The following ZNF549 variants were observed in gnomAD, a reference collection of about 807,000 sequenced individuals.
The protein encoded by ZNF549 is zinc finger protein 549.
ZNF549 carries 11 observed loss-of-function variants against 11.1 expected under a neutral mutation model. That is an observed-to-expected ratio of 0.99 (90% CI 0.62 to 1.64). The LOEUF is 1.64. Among genes scored for constraint, ZNF549 ranks in the 40% most tolerant of loss-of-function variants. ZNF549 has a pLI of 0.00. For missense variants in ZNF549, 748 were observed against 765.1 expected, an observed-to-expected ratio of 0.98 and a Z score of 0.26; for synonymous variants, 266 against 269.1, an observed-to-expected ratio of 0.99 and a Z score of 0.11.
intron 3 of ZNF549, among the ~76,000 whole-genome samples, chr19:57,536,780 G>A (rs2089926351): frequency 6.6e-6 from 1 of 152,142 alleles, no homozygotes; most frequent in Non-Finnish European, 1.5e-5. Flanking sequence ...CCTGACTCCA[G>A]CTCCCTTGTC....
chr19:57,539,350 T>G lies in ZNF549; in HGVS notation c.*423T>G, dbSNP rs972937311. ...TGGAGGTTTACCTTCTTCATAGGTTTTTTTTTTTTTTATGTGATTGCCATA... is the reference window on the plus strand; with the variant it reads ...TGGAGGTTTACCTTCTTCATAGGTTGTTTTTTTTTTTATGTGATTGCCATA... On this transcript the variant is annotated 3_prime_UTR_variant, in exon 4 of 4. Coordinates refer to ENST00000376233, the MANE Select transcript of ZNF549 (RefSeq NM_001199295.2). 2.4e-4 allele frequency: 38 copies of G among 158,386 alleles called. No homozygotes were observed. Among genetic ancestry groups the G allele is most frequent in the Non-Finnish European group, 4.9e-4 (35 of 71,588 alleles). 9.8% of individuals were successfully genotyped at this position (158,386 alleles called of 1,614,324 possible). A position where few individuals can be genotyped will look rare whatever the true frequency, so the allele number is the denominator to read the frequency against.
chr19:57,535,429 G>T (rs544308943), intron 3 of ZNF549, 159 bp downstream of exon 3: 5 of 1,068,328 alleles, frequency 4.7e-6, no homozygotes, highest in African/African-American at 1.6e-5. Context: ...CCAGGCCTGG[G>T]TTTTTTCTGC....
At chr19:57,534,313 G>A (rs1361049260) in intron 2 of ZNF549, among the ~76,000 whole-genome samples, 5 of 152,210 alleles carry the variant, frequency 3.3e-5, no homozygotes, top group Non-Finnish European at 7.3e-5. Flanking sequence ...TCATTCAGAG[G>A]CAAAGCAGTA....
chr19:57,539,074 C>A lies in ZNF549; in HGVS notation c.*147C>A. On this transcript the variant is annotated 3_prime_UTR_variant, in exon 4 of 4. Transcript: ENST00000376233. ...CTACAAGGTCCAAGTACTTGGGAAG[C>A]TTTCTAGAGATTACTTGTACTTTCT... The A allele has an allele frequency of 1.1e-6, 1 of 891,406 alleles. No homozygotes were observed. The allele number at this position is 891,406 out of a possible 1,614,324, so 55.2% of individuals were successfully genotyped here.
In ZNF549 at chr19:57,537,827, T is replaced by TA; in HGVS notation, c.824dup (p.Tyr275Ter). ...HQRTHNAEKP[Y>*]VCNICGKSFL... Reference sequence around the variant, plus strand: ...GAGAACCCATAATGCAGAAAAGCCTTATGTGTGCAATATATGTGGGAAATC... The same window carrying TA: ...GAGAACCCATAATGCAGAAAAGCCTTAATGTGTGCAATATATGTGGGAAATC... The change falls in exon 4 of 4, where the codon TAT (tyrosine) becomes TAAT (stop). Residue 275 changes from tyrosine to a stop codon, truncating the protein, a stop_gained and frameshift_variant. Coordinates refer to ENST00000376233, the MANE Select transcript of ZNF549 (RefSeq NM_001199295.2). LOFTEE classifies it low-confidence loss of function (END_TRUNC). 6.2e-7 allele frequency: 1 copy of TA among 1,614,226 alleles called. No individual in the cohort carries two copies. Among genetic ancestry groups the TA allele is most frequent in the Non-Finnish European group, 8.5e-7 (1 of 1,180,036 alleles).
At chr19:57,534,541 A>G (rs189179083) in intron 2 of ZNF549, among the ~76,000 whole-genome samples, 1 of 152,186 alleles carries the variant, frequency 6.6e-6, no homozygotes, top group Non-Finnish European at 1.5e-5. Flanking sequence ...GAGGAAAGAT[A>G]TGACTGGTGT....
intron 1 of ZNF549, among the ~76,000 whole-genome samples, chr19:57,529,011 A>G (rs2089891889): frequency 6.6e-6 from 1 of 152,178 alleles, no homozygotes; most frequent in Non-Finnish European, 1.5e-5. Context: ...GTGGTCCCAT[A>G]AGATTATGAT....
chr19:57,528,333 G>T (rs2089888522), intron 1 of ZNF549, among the ~76,000 whole-genome samples: 1 of 152,336 alleles, frequency 6.6e-6, no homozygotes, highest in East Asian at 1.9e-4. Context: ...TTTGGACGTG[G>T]TGTTTCTAAA....
At position 57,537,226 on chromosome 19, in the gene ZNF549, T is replaced by C; in HGVS notation, c.222T>C (p.Ala74=). The C allele has an allele frequency of 6.2e-7, 1 of 1,613,772 alleles. No homozygotes were observed. The highest frequency in any genetic ancestry group is 8.5e-7 in the Non-Finnish European group (1 of 1,179,752). Residue 74 remains alanine, a synonymous_variant, in exon 4 of 4, where the codon GCT becomes GCC. Coordinates refer to ENST00000376233, the MANE Select transcript of ZNF549 (RefSeq NM_001199295.2). ...ASVGCLHGIE[A]EEAPSEQTLS... is the part of the protein sequence containing the mutation. ...TAGGTTGTTTGCATGGAATAGAGGC[T>C]GAGGAGGCCCCTTCTGAGCAGACTC... is the stretch of plus-strand genomic sequence containing the variant.
Position 57,537,744 on chromosome 19 carries a change from A to C in ZNF549, c.740A>C (p.Tyr247Ser). 6.2e-7 allele frequency: 1 copy of C among 1,614,218 alleles called. No homozygotes were observed. Among genetic ancestry groups the C allele is most frequent in the Non-Finnish European group, 8.5e-7 (1 of 1,180,034 alleles). The change falls in exon 4 of 4, where the codon TAT becomes TCT. Residue 247 changes from tyrosine (Y) to serine (S), a missense_variant. Coordinates refer to ENST00000376233, the MANE Select transcript of ZNF549 (RefSeq NM_001199295.2). Reference sequence around the variant, plus strand: ...AGAGTCCACACTGGAGAAAAAGCTTATAAGCGTAGGGAATATGGGAAATCC... The same window carrying C: ...AGAGTCCACACTGGAGAAAAAGCTTCTAAGCGTAGGGAATATGGGAAATCC... Reference protein sequence around the residue: ...HQRVHTGEKAYKRREYGKSLN... With the variant: ...HQRVHTGEKASKRREYGKSLN...
Position 57,538,008 on chromosome 19 carries a change from A to G in ZNF549, c.1004A>G (p.Asn335Ser), listed in dbSNP as rs766987686. Residue 335 changes from asparagine to serine, a missense_variant, in exon 4 of 4, where the codon AAT becomes AGT. Physicochemically the swap from Asn to Ser is conservative, Grantham distance 46. Transcript: ENST00000376233. ...THNGEKPYVC[N>S]VCGKSFRHKQ... ...AATGGAGAAAAGCCTTATGTGTGCAATGTATGTGGGAAATCATTCCGCCAC... is the reference window on the plus strand; with the variant it reads ...AATGGAGAAAAGCCTTATGTGTGCAGTGTATGTGGGAAATCATTCCGCCAC... 4 of 1,613,646 alleles carry G rather than the reference A, an allele frequency of 2.5e-6. No homozygotes were observed. Among genetic ancestry groups the G allele is most frequent in the East Asian group, 2.2e-5 (1 of 44,844 alleles).
At chr19:57,529,014 A>G (rs1481398134) in intron 1 of ZNF549, among the ~76,000 whole-genome samples, 3 of 152,180 alleles carry the variant, frequency 2.0e-5, no homozygotes, top group Non-Finnish European at 4.4e-5. Flanking sequence ...GTCCCATAAG[A>G]TTATGATACC....
chr19:57,528,082 G>T (rs1416543787), intron 1 of ZNF549, among the ~76,000 whole-genome samples: 1 of 152,184 alleles, frequency 6.6e-6, no homozygotes, highest in Non-Finnish European at 1.5e-5. Context: ...TGCTGTAGTA[G>T]GCTCCAGGAG....
Position 57,537,763 on chromosome 19 carries a change from G to A in ZNF549, c.759G>A (p.Gly253=), listed in dbSNP as rs763629072. 1 of 1,614,178 alleles carries A rather than the reference G, an allele frequency of 6.2e-7. No homozygotes were observed. The highest frequency in any genetic ancestry group is 8.5e-7 in the Non-Finnish European group (1 of 1,180,026). The change falls in exon 4 of 4, where the codon GGG becomes GGA. Residue 253 remains glycine (G), a synonymous_variant. Coordinates refer to ENST00000376233, the MANE Select transcript of ZNF549 (RefSeq NM_001199295.2). ...GEKAYKRREY[G]KSLNSKYLFV... The stretch of plus-strand genomic sequence containing the variant: ...AAGCTTATAAGCGTAGGGAATATGG[G>A]AAATCCTTGAACTCTAAATACTTAT...
Position 57,539,166 on chromosome 19 carries a change from CAT to C in ZNF549, c.*240_*241del. 2.1e-6 allele frequency: 1 copy of C among 483,352 alleles called. No homozygotes were observed. The highest frequency in any genetic ancestry group is 3.0e-5 in the South Asian group (1 of 33,384). 29.9% of individuals were successfully genotyped at this position (483,352 alleles called of 1,614,324 possible). The stretch of plus-strand genomic sequence containing the variant: ...CCTCACCGTTTTCATCAGTCACTCA[CAT>C]GTGCTCAAGGAATGCAGACCACTGT... On this transcript the variant is annotated 3_prime_UTR_variant, in exon 4 of 4. Coordinates refer to ENST00000376233, the MANE Select transcript of ZNF549 (RefSeq NM_001199295.2).
chr19:57,537,221 G>A lies in ZNF549; in HGVS notation c.217G>A (p.Glu73Lys). 4 of 1,613,328 alleles carry A rather than the reference G, an allele frequency of 2.5e-6. No homozygotes were observed. The highest frequency in any genetic ancestry group is 3.4e-6 in the Non-Finnish European group (4 of 1,179,514). The change falls in exon 4 of 4, where the codon GAG becomes AAG. Residue 73 changes from glutamate (E) to lysine (K), a missense_variant. Transcript: ENST00000376233. ...GCTTTTAGGTTGTTTGCATGGAATA[G>A]AGGCTGAGGAGGCCCCTTCTGAGCA... ...MASVGCLHGI[E>K]AEEAPSEQTL... is the part of the protein sequence containing the mutation.
chr19:57,527,377 G>A lies in ZNF549; in HGVS notation c.-197G>A. 1.4e-6 allele frequency: 1 copy of A among 722,256 alleles called. No individual in the cohort carries two copies. Among genetic ancestry groups the A allele is most frequent in the East Asian group, 2.7e-5 (1 of 36,702 alleles). The allele number at this position is 722,256 out of a possible 1,614,324, so 44.7% of individuals were successfully genotyped here. The stretch of plus-strand genomic sequence containing the variant: ...GGTCGTTTTTGCTGCCTGCGAGCGC[G>A]TCCGCGGGCTGGGCGTTTCCGGCTC... On this transcript the variant is annotated 5_prime_UTR_variant, in exon 1 of 4. Transcript: ENST00000376233.
In ZNF549 at chr19:57,538,969, C is replaced by A; in HGVS notation, c.*42C>A. On this transcript the variant is annotated 3_prime_UTR_variant, in exon 4 of 4. Transcript: ENST00000376233. Reference sequence around the variant, plus strand: ...TAATTGTCTTATTCACTGTAGGACACCAGAGAGCTGATTTTTCAAGGGATC... The same window carrying A: ...TAATTGTCTTATTCACTGTAGGACAACAGAGAGCTGATTTTTCAAGGGATC... The A allele has an allele frequency of 6.5e-7, 1 of 1,537,230 alleles. No homozygotes were observed. The highest frequency in any genetic ancestry group is 8.7e-7 in the Non-Finnish European group (1 of 1,149,234).
chr19:57,536,276 C>T (rs1419822047), intron 3 of ZNF549, among the ~76,000 whole-genome samples: 10 of 152,236 alleles, frequency 6.6e-5, no homozygotes, highest in African/African-American at 2.2e-4. Flanking sequence ...GCATTTAATA[C>T]ACCCAACTTA....
Sources: allele counts gnomAD v4.1 joint callset (sites outside exome capture counted in the v4.1 genomes callset), GRCh38; gene constraint gnomAD v4.1.1; transcripts MANE v1.5; gene names NCBI Gene and HGNC (gene_info 2026-07-23, HGNC 2026-07-21).